ST8SIA2: variants seen among roughly 807,000 people sequenced by gnomAD.
ST8SIA2 encodes ST8 alpha-N-acetyl-neuraminide alpha-2,8-sialyltransferase 2.
In ST8SIA2, 22 loss-of-function variants were observed where a neutral mutation model predicts 37.6. The ratio of observed to expected loss-of-function variants is 0.58; its 90% confidence interval spans 0.42 to 0.83. The LOEUF is 0.83. ST8SIA2 is among the 40% of genes least tolerant of loss of function. The pLI is 0.00. For synonymous variants in ST8SIA2, 205 were observed against 201.2 expected (o/e 1.02, Z -0.16); for missense variants, 382 against 484.7 (o/e 0.79, Z 1.99).
intron 1 of ST8SIA2, chr15:92,422,418 G>A (rs1200756484): frequency 6.6e-6 from 1 of 152,186 alleles, no homozygotes; most frequent in African/African-American, 2.4e-5. Context: ...GCTAGTGCAG[G>A]TTATATCCAT....
intron 5 of ST8SIA2, among the ~76,000 whole-genome samples, chr15:92,447,265 GAGCAAACAAGCCCA>G (rs1230730959): frequency 6.6e-6 from 1 of 152,182 alleles, no homozygotes; most frequent in Non-Finnish European, 1.5e-5. Context: ...ATTAGAGTTT[GAGCAAACAAGCCCA>G]AGCAAACAAG....
At position 92,444,818 on chromosome 15, in the gene ST8SIA2, T is replaced by C. The variant is rs746921656; in HGVS notation, c.731T>C (p.Met244Thr). Residue 244 changes from methionine (M) to threonine (T), a missense_variant, in exon 5 of 6, where the codon ATG becomes ACG. Coordinates refer to ENST00000268164, the MANE Select transcript of ST8SIA2 (RefSeq NM_006011.4). ...NGSILWIPAF[M>T]ARGGKERVEW... is the part of the protein sequence containing the mutation. Reference sequence around the variant, plus strand: ...AGCATCCTGTGGATCCCTGCCTTCATGGCCCGGGGCGGCAAGGAGCGTGTT... The same window carrying C: ...AGCATCCTGTGGATCCCTGCCTTCACGGCCCGGGGCGGCAAGGAGCGTGTT... 6.8e-6 allele frequency: 11 copies of C among 1,614,002 alleles called. No homozygotes were observed. Among genetic ancestry groups the C allele is most frequent in the South Asian group, 1.1e-5 (1 of 91,096 alleles).
chr15:92,454,947 C>T (rs1005021755), intron 5 of ST8SIA2, among the ~76,000 whole-genome samples: 2 of 151,976 alleles, frequency 1.3e-5, no homozygotes, highest in Admixed American at 1.3e-4. Context: ...TGGGTGCAGA[C>T]AAGGCCTGTG....
chr15:92,451,665 G>C (rs1169325193), intron 5 of ST8SIA2, among the ~76,000 whole-genome samples: 1 of 152,174 alleles, frequency 6.6e-6, no homozygotes, highest in East Asian at 1.9e-4. Context: ...GGACATGTAG[G>C]AAAACAGCTG....
chr15:92,459,490 G>T (rs765448827), intron 5 of ST8SIA2, among the ~76,000 whole-genome samples: 2 of 152,130 alleles, frequency 1.3e-5, no homozygotes, highest in Non-Finnish European at 2.9e-5. Context: ...CTGGACTCCC[G>T]CGTTTTCCTT....
rs527787165 is a variant in ST8SIA2 at position 92,434,365 on chromosome 15, C to A, written c.280C>A (p.Leu94Met). 3 of 1,614,212 alleles carry A rather than the reference C, an allele frequency of 1.9e-6. No homozygotes were observed. In the African/African-American group the frequency reaches 4.0e-5, roughly 22 times the overall value. ...SKWRHNQTLS[L>M]RIRKQILKFL... ...ATGGAGACATAACCAGACGCTCTCTCTGAGGATCAGGTACTGGTAATTACC... is the reference window on the plus strand; with the variant it reads ...ATGGAGACATAACCAGACGCTCTCTATGAGGATCAGGTACTGGTAATTACC... The change falls in exon 3 of 6, where the codon CTG becomes ATG. Residue 94 changes from leucine to methionine, a missense_variant. Coordinates refer to ENST00000268164, the MANE Select transcript of ST8SIA2 (RefSeq NM_006011.4).
intron 1 of ST8SIA2, among the ~76,000 whole-genome samples, chr15:92,405,579 C>G (rs1395233042): frequency 6.6e-6 from 1 of 152,142 alleles, no homozygotes; most frequent in Admixed American, 6.5e-5. Context: ...TTTAAGAGCA[C>G]AGTTGTGATT....
intron 5 of ST8SIA2, among the ~76,000 whole-genome samples, chr15:92,447,339 A>G (rs764828203): frequency 1.3e-5 from 2 of 152,232 alleles, no homozygotes; most frequent in African/African-American, 2.4e-5. Context: ...AGAGAAGCCC[A>G]TGCATGTTTG....
At chr15:92,428,751 G>C (rs1184915487) in intron 1 of ST8SIA2, among the ~76,000 whole-genome samples, 1 of 152,230 alleles carries the variant, frequency 6.6e-6, no homozygotes, top group African/African-American at 2.4e-5. Context: ...CTTTGTAATT[G>C]AGAACTAGAT....
intron 1 of ST8SIA2, among the ~76,000 whole-genome samples, chr15:92,411,325 G>T (rs2049547422): frequency 6.6e-6 from 1 of 152,256 alleles, no homozygotes; most frequent in East Asian, 1.9e-4. Context: ...GAGGGGGCAG[G>T]TGCCGGGAAG....
chr15:92,403,219 C>T (rs1281005034), intron 1 of ST8SIA2, among the ~76,000 whole-genome samples: 1 of 152,154 alleles, frequency 6.6e-6, no homozygotes, highest in Non-Finnish European at 1.5e-5. Flanking sequence ...GCTAAGGTCA[C>T]ACAGCTAGTA....
chr15:92,444,540 G>C (rs2049826285), intron 4 of ST8SIA2, 96 bp from the exon 5 acceptor site: 1 of 1,512,428 alleles, frequency 6.6e-7, no homozygotes, highest in East Asian at 2.3e-5. Flanking sequence ...TTGGGGATGA[G>C]AAAGAAGCAA....
intron 1 of ST8SIA2, among the ~76,000 whole-genome samples, chr15:92,398,520 T>C (rs1026303462): frequency 1.3e-5 from 2 of 152,266 alleles, no homozygotes; most frequent in African/African-American, 2.4e-5. Flanking sequence ...AAGTGCTTTA[T>C]AGATGTTAAC....
intron 4 of ST8SIA2, among the ~76,000 whole-genome samples, chr15:92,443,553 C>T (rs1008108894): frequency 6.6e-6 from 1 of 152,162 alleles, no homozygotes; most frequent in Non-Finnish European, 1.5e-5. Flanking sequence ...TCTAAACCGT[C>T]CCTGTCACTC....
In ST8SIA2 at chr15:92,464,274, C is replaced by T. The variant is rs201249672; in HGVS notation, c.1017C>T (p.Tyr339=). The T allele has an allele frequency of 6.2e-7, 1 of 1,613,178 alleles. No individual in the cohort carries two copies. The highest frequency in any genetic ancestry group is 8.5e-7 in the Non-Finnish European group (1 of 1,179,940). Residue 339 remains tyrosine (Y), a synonymous_variant, in exon 6 of 6, where the codon TAC becomes TAT. Coordinates refer to ENST00000268164, the MANE Select transcript of ST8SIA2 (RefSeq NM_006011.4). ...ATTATGACAGCCTCAAGTATGGCTACACCTCCCAGGCCAGCCCGCATACCA... is the reference window on the plus strand; with the variant it reads ...ATTATGACAGCCTCAAGTATGGCTATACCTCCCAGGCCAGCCCGCATACCA... ...YHYYDSLKYG[Y]TSQASPHTMP...
At chr15:92,411,140 G>C (rs117383741) in intron 1 of ST8SIA2, among the ~76,000 whole-genome samples, 3,945 of 152,278 alleles carry the variant, frequency 0.026, 75 homozygotes, top group Middle Eastern at 0.1. Context: ...ATCTGTGATG[G>C]GGTTCAGATC....
chr15:92,450,652 G>A (rs1364652931), intron 5 of ST8SIA2, among the ~76,000 whole-genome samples: 1 of 152,190 alleles, frequency 6.6e-6, no homozygotes, highest in Non-Finnish European at 1.5e-5. Flanking sequence ...TCATTATCAT[G>A]AGGACAGTAT....
chr15:92,414,448 T>G (rs1366338722), intron 1 of ST8SIA2, among the ~76,000 whole-genome samples: 2 of 152,222 alleles, frequency 1.3e-5, no homozygotes, highest in Non-Finnish European at 2.9e-5. Context: ...ACCTCACCTT[T>G]GCACCTACTC....
At chr15:92,420,950 C>T (rs1215819113) in intron 1 of ST8SIA2, 1 of 152,294 alleles carries the variant, frequency 6.6e-6, no homozygotes, top group African/African-American at 2.4e-5. Flanking sequence ...TTCCGCCCGT[C>T]TTGGTGAGCA....
Sources: allele counts gnomAD v4.1 joint callset (sites outside exome capture counted in the v4.1 genomes callset), GRCh38; gene constraint gnomAD v4.1.1; transcripts MANE v1.5; gene names NCBI Gene and HGNC (gene_info 2026-07-23, HGNC 2026-07-21).